Variants in TASP1 observed in about 807,000 individuals in gnomAD.
The protein encoded by TASP1 is taspase 1.
Under a neutral mutation model 56.6 loss-of-function variants are expected in TASP1, and 16 were observed. The ratio of observed to expected loss-of-function variants is 0.28; its 90% CI spans 0.19 to 0.43. The LOEUF (loss-of-function observed/expected upper bound fraction) is 0.43. TASP1 is among the 20% of genes least tolerant of loss of function. The probability of loss-of-function intolerance (pLI) is 1.00; values close to 1 mark genes in which losing one functional copy is unlikely to be tolerated. For synonymous variants in TASP1, 179 were observed against 184.2 expected (o/e 0.97, Z 0.23); for missense variants, 393 against 511.6 (o/e 0.77, Z 2.24).
the TASP1 span, chr20:13,154,283 A>T: frequency 4.9e-6 from 5 of 1,027,090 alleles, no homozygotes; most frequent in African/African-American, 6.5e-5. Flanking sequence ...GCCACCTGTC[A>T]CTCTATCAGC....
chr20:13,110,893 A>G, the TASP1 span, among the ~76,000 whole-genome samples: 1 of 152,124 alleles, frequency 6.6e-6, no homozygotes, highest in African/African-American at 2.4e-5. Flanking sequence ...ATTAAAAGGA[A>G]GGAAGTGAAG....
chr20:13,419,783 C>A (rs1178570701), intron 12 of TASP1, among the ~76,000 whole-genome samples: 1 of 152,184 alleles, frequency 6.6e-6, no homozygotes, highest in African/African-American at 2.4e-5. Context: ...AGATACATGG[C>A]TCATTCCCTT....
rs1488091045 is a variant in TASP1 at position 13,625,198 on chromosome 20, C to T, written c.200G>A (p.Arg67Gln). 2.5e-6 allele frequency: 4 copies of T among 1,609,878 alleles called. No individual in the cohort carries two copies. The highest frequency in any genetic ancestry group is 1.1e-5 in the South Asian group (1 of 90,090). ...TTGTGTTCATACCTTCTGACAAGCTCGTTTGCATACATGTTTATACTCCTT... is the reference window on the plus strand; with the variant it reads ...TTGTGTTCATACCTTCTGACAAGCTTGTTTGCATACATGTTTATACTCCTT... The part of the protein sequence containing the change: ...KAKEYKHVCK[R>Q]ACQKAIEKLQ... The change falls in exon 3 of 14, where the codon CGA becomes CAA. Residue 67 changes from arginine to glutamine, a missense_variant. Physicochemically the swap from Arg to Gln is conservative, Grantham distance 43. This residue lies in a region of TASP1 where 48 missense variants were observed against 106.2 expected (regional missense o/e 0.45). Transcript: ENST00000337743.
the TASP1 span, among the ~76,000 whole-genome samples, chr20:13,145,558 C>G: frequency 1.4e-4 from 21 of 152,246 alleles, no homozygotes; most frequent in African/African-American, 4.8e-4. Context: ...AATGGCTATA[C>G]TGCCCAAAGC....
At chr20:13,538,911 T>C (rs1438365885) in intron 8 of TASP1, among the ~76,000 whole-genome samples, 1 of 151,614 alleles carries the variant, frequency 6.6e-6, no homozygotes, top group Non-Finnish European at 1.5e-5. Flanking sequence ...TAGCTAGGCA[T>C]GGTGGTGTGC....
chr20:13,221,249 CCTCCTCCTCCTCCTT>C, the TASP1 span, among the ~76,000 whole-genome samples: 7 of 144,418 alleles, frequency 4.8e-5, no homozygotes, highest in East Asian at 4.2e-4. Context: ...TCCTCCTCCT[CCTCCTCCTCCTCCTT>C]CTCCTTCTCC....
At position 13,567,580 on chromosome 20, in the gene TASP1, C is replaced by T. The variant is rs140969529; in HGVS notation, c.568+1927G>A. ...AACATAAAGAATTAAAAAAAAAATGCCCCAAGATGCTTCATTGTGATCATC... is the reference window on the plus strand; with the variant it reads ...AACATAAAGAATTAAAAAAAAAATGTCCCAAGATGCTTCATTGTGATCATC... On this transcript the variant is annotated intron_variant, in intron 7 of 13. Coordinates refer to ENST00000337743, the MANE Select transcript of TASP1 (RefSeq NM_017714.3). Among the ~76,000 whole-genome samples, 155 of 151,478 alleles carry T rather than the reference C, an allele frequency of 1.0e-3. 2 individuals are homozygous for T. The highest frequency in any genetic ancestry group is 3.6e-3 in the African/African-American group (148 of 41,288).
At chr20:13,127,631 G>T in the TASP1 span, among the ~76,000 whole-genome samples, 2 of 152,138 alleles carry the variant, frequency 1.3e-5, no homozygotes, top group Admixed American at 1.3e-4. Context: ...TAAGAACAAG[G>T]CTGATCTAGT....
chr20:13,450,157 ATAACT>A (rs756143469), intron 11 of TASP1, among the ~76,000 whole-genome samples: 3 of 152,238 alleles, frequency 2.0e-5, no homozygotes, highest in East Asian at 3.9e-4. Context: ...AAAAATGTAA[ATAACT>A]TAATTTAAAA....
chr20:13,283,906 C>T, the TASP1 span, among the ~76,000 whole-genome samples: 1 of 152,066 alleles, frequency 6.6e-6, no homozygotes, highest in Non-Finnish European at 1.5e-5. Context: ...CACGTAAGAG[C>T]GTATCTTAAA....
chr20:13,357,390 T>C, the TASP1 span, among the ~76,000 whole-genome samples: 1 of 152,162 alleles, frequency 6.6e-6, no homozygotes, highest in Admixed American at 6.5e-5. Context: ...CAGATAACTA[T>C]TTTGTTGCTT....
At chr20:13,393,438 G>C (rs1368745644) in intron 13 of TASP1, 2 of 775,944 alleles carry the variant, frequency 2.6e-6, no homozygotes, top group Non-Finnish European at 4.6e-6. Flanking sequence ...TGCCAAATAT[G>C]ATGATATCAA....
At chr20:13,400,297 G>A (rs142609803) in intron 13 of TASP1, among the ~76,000 whole-genome samples, 1 of 152,204 alleles carries the variant, frequency 6.6e-6, no homozygotes, top group East Asian at 1.9e-4. Context: ...TAAGTAAACT[G>A]AGGTTTTTTA....
At chr20:13,117,621 G>GGCCCC in the TASP1 span, 1 of 1,614,058 alleles carries the variant, frequency 6.2e-7, no homozygotes, top group Non-Finnish European at 8.5e-7. Flanking sequence ...AACCGGCCGG[G>GGCCCC]GTGTCACGGA....
At chr20:13,241,593 A>G in the TASP1 span, among the ~76,000 whole-genome samples, 12 of 152,146 alleles carry the variant, frequency 7.9e-5, no homozygotes, top group African/African-American at 2.9e-4. Context: ...TGGTAATAAA[A>G]GAGTTACCAT....
chr20:13,169,767 T>G, the TASP1 span, among the ~76,000 whole-genome samples: 1 of 152,196 alleles, frequency 6.6e-6, no homozygotes, highest in East Asian at 1.9e-4. Context: ...TTACCCAGCT[T>G]CAAACATTAC....
intron 10 of TASP1, among the ~76,000 whole-genome samples, chr20:13,489,070 CTAA>C (rs1210641420): frequency 6.6e-6 from 1 of 152,130 alleles, no homozygotes; most frequent in Non-Finnish European, 1.5e-5. Context: ...ATAATTCTCA[CTAA>C]TGTTATAGGT....
chr20:13,117,585 G>A, the TASP1 span: 1 of 1,613,918 alleles, frequency 6.2e-7, no homozygotes, highest in Non-Finnish European at 8.5e-7. Flanking sequence ...CATAGATGAA[G>A]CTCACAGTAT....
chr20:13,595,812 A>C (rs2047707620), intron 4 of TASP1, among the ~76,000 whole-genome samples: 1 of 152,208 alleles, frequency 6.6e-6, no homozygotes, highest in Non-Finnish European at 1.5e-5. Context: ...TATTAGACAG[A>C]TCAACAAGAC....
Sources: allele counts gnomAD v4.1 joint callset (sites outside exome capture counted in the v4.1 genomes callset), GRCh38; gene constraint gnomAD v4.1.1; regional missense constraint gnomAD v4.1.1; transcripts MANE v1.5; gene names NCBI Gene and HGNC (gene_info 2026-07-23, HGNC 2026-07-21).